Variants in DLEC1 observed in about 807,000 individuals in gnomAD.
DLEC1 encodes the protein DLEC1 cilia and flagella associated protein, also known as deleted in lung and esophageal cancer protein 1.
In DLEC1, 146 loss-of-function variants were observed where a neutral mutation model predicts 198.1. That is an observed-to-expected ratio of 0.74 (90% CI 0.64 to 0.85). The LOEUF (loss-of-function observed/expected upper bound fraction) is 0.85. Among genes scored for constraint, DLEC1 ranks in the 40% least tolerant of loss-of-function variants. The pLI is 0.00. For synonymous variants in DLEC1, 897 were observed against 866.8 expected, an observed-to-expected ratio of 1.03 and a Z score of -0.61; for missense variants, 2,233 against 2,220.0, an observed-to-expected ratio of 1.01 and a Z score of -0.12.
chr3:38,107,826 C>T, intron 20 of DLEC1, 89 bp downstream of exon 20: 1 of 1,454,170 alleles, frequency 6.9e-7, no homozygotes, highest in Non-Finnish European at 9.4e-7. Flanking sequence ...CAAATATCCT[C>T]ACAGAACAGA....
Position 38,050,254 on chromosome 3 carries a change from G to C in DLEC1, c.562+4561G>C, listed in dbSNP as rs538182947. ...CGGCTAGTTTTTTGTATTTTTAGTA[G>C]AGACAGGGTCTTGCCATGTTGCCCA... On this transcript the variant is annotated intron_variant, in intron 2 of 36. Transcript: ENST00000308059. 8.5e-5 allele frequency among the ~76,000 whole-genome samples: 13 copies of C among 152,094 alleles called. 1 individual carries two copies. The South Asian group carries it at 2.5e-3, about 29-fold the overall frequency.
At chr3:38,061,957 G>T (rs916142547) in intron 3 of DLEC1, among the ~76,000 whole-genome samples, 3 of 152,238 alleles carry the variant, frequency 2.0e-5, no homozygotes, top group Non-Finnish European at 4.4e-5. Context: ...GATGATAGGT[G>T]TGAGCCACCA....
chr3:38,088,318 T>C lies in DLEC1; in HGVS notation c.1595T>C (p.Val532Ala), dbSNP rs776005344. The C allele has an allele frequency of 6.2e-7, 1 of 1,614,090 alleles. No individual in the cohort carries two copies. Among genetic ancestry groups the C allele is most frequent in the South Asian group, 1.1e-5 (1 of 91,082 alleles). Residue 532 changes from valine to alanine, a missense_variant, in exon 10 of 37, where the codon GTT becomes GCT. By Grantham distance (64) the Val-to-Ala change is moderately conservative (BLOSUM62 0). Coordinates refer to ENST00000308059, the MANE Select transcript of DLEC1 (RefSeq NM_007335.4). ...AAGGCCATTGCAACCGTCGGCTTTG[T>C]TGAACAACCTCCTTTTGGAATCCTG... is the stretch of plus-strand genomic sequence containing the variant. ...SFKAIATVGF[V>A]EQPPFGILPS...
At chr3:38,113,729 AG>A (rs1700004404) in intron 25 of DLEC1, among the ~76,000 whole-genome samples, 2 of 152,048 alleles carry the variant, frequency 1.3e-5, no homozygotes, top group Non-Finnish European at 2.9e-5. Context: ...TATTGTTAAA[AG>A]AAAAGATTAT....
Position 38,112,924 on chromosome 3 carries a change from G to A in DLEC1, c.3666+563G>A, listed in dbSNP as rs747347786. Among the ~76,000 whole-genome samples the A allele has an allele frequency of 4.6e-5, 7 of 152,192 alleles. No homozygotes were observed. Among genetic ancestry groups the A allele is most frequent in the Non-Finnish European group, 8.8e-5 (6 of 68,040 alleles). Reference sequence around the variant, plus strand: ...TGAAACCTGCATACGTTATCCTACCGTTAAGTTGTTAAATAGAAGATTTTC... The same window carrying A: ...TGAAACCTGCATACGTTATCCTACCATTAAGTTGTTAAATAGAAGATTTTC... On this transcript the variant is annotated intron_variant, in intron 25 of 36. Transcript: ENST00000308059. This position sits in a 1 kb window ranked among gnomAD's most constrained non-coding sequence, Gnocchi z 4.8.
chr3:38,068,991 G>A (rs1697175447), intron 6 of DLEC1, among the ~76,000 whole-genome samples: 1 of 152,154 alleles, frequency 6.6e-6, no homozygotes, highest in South Asian at 2.1e-4. Flanking sequence ...ATGGGAGAGG[G>A]AAGAGGGAAT....
intron 2 of DLEC1, among the ~76,000 whole-genome samples, chr3:38,057,878 G>T (rs368900585): frequency 6.7e-6 from 1 of 149,962 alleles, no homozygotes; most frequent in South Asian, 2.1e-4. Flanking sequence ...GTGCAGTGGC[G>T]CAATCTCGGC....
intron 18 of DLEC1, among the ~76,000 whole-genome samples, chr3:38,099,436 C>T (rs1699193118): frequency 6.6e-6 from 1 of 152,094 alleles, no homozygotes; most frequent in African/African-American, 2.4e-5. Flanking sequence ...TAAGATAATT[C>T]CCTCTCTACA....
chr3:38,088,233 G>T, intron 9 of DLEC1, 63 bp from the exon 10 acceptor site: 1 of 1,439,138 alleles, frequency 6.9e-7, no homozygotes, highest in Admixed American at 1.8e-5. Context: ...AGAGAAGTTT[G>T]CAATCTGAAT....
At chr3:38,039,810 A>G (rs1700569886) in intron 1 of DLEC1, among the ~76,000 whole-genome samples, 174 bp downstream of exon 1, 2 of 152,206 alleles carry the variant, frequency 1.3e-5, no homozygotes, top group African/African-American at 2.4e-5. Context: ...CTATCCATAC[A>G]CACACATGCG....
At chr3:38,055,751 T>A (rs1696327379) in intron 2 of DLEC1, among the ~76,000 whole-genome samples, 1 of 152,086 alleles carries the variant, frequency 6.6e-6, no homozygotes, top group Admixed American at 6.5e-5. Context: ...GTTAACTGGG[T>A]GACCCTGGTT....
intron 6 of DLEC1, among the ~76,000 whole-genome samples, chr3:38,074,602 T>C (rs1418666069): frequency 6.6e-6 from 1 of 152,248 alleles, no homozygotes; most frequent in Non-Finnish European, 1.5e-5. Flanking sequence ...CTTGCCTAGC[T>C]ATACCTGGGG....
chr3:38,090,144 T>G (rs116584329), intron 10 of DLEC1, among the ~76,000 whole-genome samples: 1 of 152,202 alleles, frequency 6.6e-6, no homozygotes, highest in Non-Finnish European at 1.5e-5. Flanking sequence ...TACAGTGAAC[T>G]GTGATTGAGC....
At chr3:38,077,224 G>T (rs1318445041) in intron 6 of DLEC1, among the ~76,000 whole-genome samples, 3 of 152,130 alleles carry the variant, frequency 2.0e-5, no homozygotes, top group African/African-American at 7.2e-5. Flanking sequence ...GTGTAAACCG[G>T]CAGTGTAAAC....
chr3:38,106,986 G>T (rs995396576), intron 19 of DLEC1, among the ~76,000 whole-genome samples: 1 of 152,158 alleles, frequency 6.6e-6, no homozygotes, highest in Non-Finnish European at 1.5e-5. Flanking sequence ...ATCTATCAGA[G>T]AGTTGAGGTT....
intron 8 of DLEC1, among the ~76,000 whole-genome samples, chr3:38,085,696 C>T (rs1188593459): frequency 6.6e-6 from 1 of 152,098 alleles, no homozygotes; most frequent in Non-Finnish European, 1.5e-5. Flanking sequence ...GCCAACAGTC[C>T]AGCTAACCCC....
At chr3:38,054,844 C>A (rs1471953395) in intron 2 of DLEC1, among the ~76,000 whole-genome samples, 1 of 152,178 alleles carries the variant, frequency 6.6e-6, no homozygotes, top group Non-Finnish European at 1.5e-5. Context: ...GGAAAAGCCA[C>A]CACGAGTAAG....
Position 38,122,192 on chromosome 3 carries a change from C to G in DLEC1, c.5142C>G (p.Ala1714=), listed in dbSNP as rs1397623361. The change falls in exon 36 of 37, where the codon GCC becomes GCG. Residue 1714 remains alanine, a splice_region_variant and synonymous_variant. Transcript: ENST00000308059. ...TSIALQVFFT[A]RSSELYESTM... is the part of the protein sequence containing the mutation. Reference sequence around the variant, plus strand: ...TCGCCTTGCAGGTTTTCTTCACTGCCAGGTGCAGCCCCTTCCAACCTTCCC... The same window carrying G: ...TCGCCTTGCAGGTTTTCTTCACTGCGAGGTGCAGCCCCTTCCAACCTTCCC... 2.5e-6 allele frequency: 4 copies of G among 1,613,854 alleles called. No individual in the cohort carries two copies. Among genetic ancestry groups the G allele is most frequent in the Non-Finnish European group, 3.4e-6 (4 of 1,179,866 alleles).
chr3:38,072,803 G>A (rs1030561145), intron 6 of DLEC1, among the ~76,000 whole-genome samples: 7 of 152,164 alleles, frequency 4.6e-5, no homozygotes, highest in African/African-American at 1.7e-4. Flanking sequence ...GAATTATGCC[G>A]AGGTAGGTAA....
Sources: allele counts gnomAD v4.1 joint callset (sites outside exome capture counted in the v4.1 genomes callset), GRCh38; gene constraint gnomAD v4.1.1; non-coding constraint Gnocchi (gnomAD v3.1); transcripts MANE v1.5; gene names NCBI Gene and HGNC (gene_info 2026-07-23, HGNC 2026-07-21).